CTNNA2: variants seen among roughly 807,000 people sequenced by gnomAD.
CTNNA2 encodes catenin alpha 2, also known as catenin alpha-2.
In CTNNA2, 42 loss-of-function variants were observed where a neutral mutation model predicts 101.0. The ratio of observed to expected loss-of-function variants is 0.42; its 90% CI spans 0.32 to 0.54. The LOEUF (loss-of-function observed/expected upper bound fraction) is 0.54, where lower values mean the gene tolerates loss of function less well. Among genes scored for constraint, CTNNA2 ranks in the 20% least tolerant of loss-of-function variants. CTNNA2 has a pLI of 0.14. For synonymous variants in CTNNA2, 450 were observed against 456.4 expected (o/e 0.99, Z 0.18); for missense variants, 871 against 1,223.1 (o/e 0.71, Z 4.29).
chr2:80,094,524 T>A (rs1166447190), intron 7 of CTNNA2, among the ~76,000 whole-genome samples: 3 of 152,176 alleles, frequency 2.0e-5, no homozygotes, highest in Non-Finnish European at 4.4e-5. Context: ...TTAAAGTAGT[T>A]TTTTCTAATT....
Position 79,476,555 on chromosome 2 carries a change from A to G in CTNNA2, c.-134-28499A>G, listed in dbSNP as rs185160054. The stretch of plus-strand genomic sequence containing the variant: ...ATGCAAGAACCATGGAAGGGGGACA[A>G]AACATGACTGGTATATGGAGGTCTC... On this transcript the variant is annotated intron_variant, in intron 4 of 21. Coordinates refer to the CTNNA2 transcript ENST00000466387. Among the ~76,000 whole-genome samples the G allele has an allele frequency of 1.9e-3, 291 of 152,336 alleles. 6 individuals are homozygous for G. Among genetic ancestry groups the G allele is most frequent in the Non-Finnish European group, 6.8e-4 (46 of 68,032 alleles).
At chr2:79,829,372 C>G (rs918414403) in intron 3 of CTNNA2, among the ~76,000 whole-genome samples, 3 of 102,462 alleles carry the variant, frequency 2.9e-5, no homozygotes, top group African/African-American at 1.3e-4. Flanking sequence ...CACACACACA[C>G]ACACACACAC....
At chr2:79,508,250 G>A (rs970853749), upstream of CTNNA2, among the ~76,000 whole-genome samples, 4 of 152,122 alleles carry the variant, frequency 2.6e-5, no homozygotes, top group African/African-American at 7.2e-5. Flanking sequence ...TCAGGTATGT[G>A]AGCCAAAATT....
At chr2:80,035,431 A>G (rs937693207) in intron 7 of CTNNA2, among the ~76,000 whole-genome samples, 17 of 152,344 alleles carry the variant, frequency 1.1e-4, no homozygotes, top group Middle Eastern at 6.8e-3. Flanking sequence ...CAATTGTTGT[A>G]AAAAGGACAG....
At chr2:80,645,477 A>G (rs1232090823) in intron 18 of CTNNA2, among the ~76,000 whole-genome samples, 6 of 152,200 alleles carry the variant, frequency 3.9e-5, no homozygotes, top group Non-Finnish European at 8.8e-5. Context: ...CCATCAAGAC[A>G]GTCTTTAGGT....
intron 7 of CTNNA2, among the ~76,000 whole-genome samples, chr2:80,037,561 T>C (rs923889593): frequency 6.6e-6 from 1 of 152,234 alleles, no homozygotes; most frequent in Non-Finnish European, 1.5e-5. Flanking sequence ...AGTCTGTGAC[T>C]GTGTGGTTTG....
chr2:80,392,822 T>C (rs186948876), intron 7 of CTNNA2, among the ~76,000 whole-genome samples: 5 of 152,372 alleles, frequency 3.3e-5, no homozygotes, highest in Non-Finnish European at 2.9e-5. Context: ...ATTTAGTTTT[T>C]ATTATCTCAG....
chr2:79,362,519 T>G (rs928987764), intron 3 of CTNNA2, among the ~76,000 whole-genome samples: 3 of 152,152 alleles, frequency 2.0e-5, no homozygotes, highest in African/African-American at 7.2e-5. Flanking sequence ...GAATTCTAGA[T>G]TCATCTAGAA....
intron 7 of CTNNA2, among the ~76,000 whole-genome samples, chr2:80,320,544 A>C (rs900044276): frequency 1.3e-5 from 2 of 152,208 alleles, no homozygotes; most frequent in South Asian, 2.1e-4. Context: ...GATGATTGCC[A>C]TGTGGAGAAA....
chr2:80,376,138 AT>A (rs149540915), intron 7 of CTNNA2, among the ~76,000 whole-genome samples: 2,766 of 151,974 alleles, frequency 0.018, 88 homozygotes, highest in African/African-American at 0.062. Flanking sequence ...CCATTATTTG[AT>A]TTTTTTTCCC....
At chr2:80,333,771 G>A (rs1163809248) in intron 7 of CTNNA2, among the ~76,000 whole-genome samples, 3 of 152,144 alleles carry the variant, frequency 2.0e-5, no homozygotes, top group Non-Finnish European at 4.4e-5. Context: ...TTGCAGGTGC[G>A]CACCATCATG....
At chr2:79,261,441 T>C (rs1237827099) in intron 2 of CTNNA2, among the ~76,000 whole-genome samples, 1 of 152,210 alleles carries the variant, frequency 6.6e-6, no homozygotes, top group African/African-American at 2.4e-5. Context: ...AAAGTTGGTG[T>C]ATTCATCTGC....
chr2:80,113,774 C>G lies in CTNNA2; in HGVS notation c.1056+203977C>G, dbSNP rs563827664. Among the ~76,000 whole-genome samples the G allele has an allele frequency of 3.9e-5, 6 of 152,186 alleles. No individual in the cohort carries two copies. The South Asian group carries it at 1.2e-3, about 32-fold the overall frequency. On this transcript the variant is annotated intron_variant, in intron 7 of 18. Transcript: ENST00000402739. ...GGTTTTTAAAAAGATATTTAAATCC[C>G]CGTGTATCATAAATATGCAAGTACT...
At chr2:80,540,654 T>A (rs1691475300) in intron 9 of CTNNA2, among the ~76,000 whole-genome samples, 1 of 151,716 alleles carries the variant, frequency 6.6e-6, no homozygotes, top group Admixed American at 6.6e-5. Flanking sequence ...CTTGGACTGA[T>A]GTTTTTGAGG....
At chr2:79,535,423 C>G (rs1672996070) in intron 1 of CTNNA2, among the ~76,000 whole-genome samples, 1 of 152,022 alleles carries the variant, frequency 6.6e-6, no homozygotes, top group Non-Finnish European at 1.5e-5. Context: ...CCAGGCTGGT[C>G]TCGAACTCCT....
chr2:79,749,243 A>G (rs1243226621), intron 3 of CTNNA2, among the ~76,000 whole-genome samples: 1 of 152,134 alleles, frequency 6.6e-6, no homozygotes, highest in African/African-American at 2.4e-5. Context: ...CTAGCTCAGC[A>G]GACACATTCA....
chr2:80,480,926 G>A (rs534922664), intron 9 of CTNNA2, among the ~76,000 whole-genome samples: 104 of 152,174 alleles, frequency 6.8e-4, no homozygotes, highest in Non-Finnish European at 1.3e-3. Context: ...CCCACACCAA[G>A]GAATTCATTT....
chr2:80,292,689 C>T (rs10170020), intron 7 of CTNNA2, among the ~76,000 whole-genome samples: 39,894 of 152,140 alleles, frequency 0.26, 5,957 homozygotes, highest in Non-Finnish European at 0.34. Flanking sequence ...CTTGAGAATG[C>T]CTCACCTTCG....
chr2:79,204,507 C>T (rs1674077352), intron 2 of CTNNA2, among the ~76,000 whole-genome samples: 1 of 152,096 alleles, frequency 6.6e-6, no homozygotes, highest in South Asian at 2.1e-4. Flanking sequence ...TCTGTAAAAT[C>T]TCATTAAAGA....
Sources: gnomAD v4.1 joint callset for allele counts (sites outside exome capture counted in the v4.1 genomes callset) on GRCh38, gnomAD v4.1.1 for gene constraint, MANE v1.5 for transcripts, NCBI Gene and HGNC (gene_info 2026-07-23, HGNC 2026-07-21) for gene names.